The following MTA3 variants were observed in gnomAD, a reference collection of about 807,000 sequenced individuals.
MTA3 encodes metastasis associated 1 family member 3, also known as metastasis-associated protein MTA3.
Under a neutral mutation model 83.5 loss-of-function variants are expected in MTA3, and 34 were observed. That is an observed-to-expected ratio of 0.41 (90% CI 0.31 to 0.54). The LOEUF (loss-of-function observed/expected upper bound fraction) is 0.54. MTA3 is among the 20% of genes least tolerant of loss of function. The pLI is 0.33. For missense variants in MTA3, 761 were observed against 726.4 expected, an observed-to-expected ratio of 1.05 and a Z score of -0.55; for synonymous variants, 303 against 252.7, an observed-to-expected ratio of 1.20 and a Z score of -1.89.
At chr2:42,563,838 T>TCCTTCCTTCCTTCCTTCCTTCC (rs1572989478), upstream of MTA3, among the ~76,000 whole-genome samples, 1 of 150,506 alleles carries the variant, frequency 6.6e-6, no homozygotes, top group Non-Finnish European at 1.5e-5. Context: ...CTTCCTTTCT[T>TCCTTCCTTCCTTCCTTCCTTCC]TTTTGATGGA....
At chr2:42,519,409 C>T (rs1376277785) in intron 2 of MTA3, among the ~76,000 whole-genome samples, 2 of 152,032 alleles carry the variant, frequency 1.3e-5, no homozygotes, top group African/African-American at 2.4e-5. Flanking sequence ...AGTTCAAGAC[C>T]AGCCTGGCCA....
At chr2:42,574,149 T>C (rs1377643433) in intron 2 of MTA3, among the ~76,000 whole-genome samples, 2 of 143,424 alleles carry the variant, frequency 1.4e-5, no homozygotes, top group African/African-American at 2.6e-5. Context: ...TTTTTTTTTT[T>C]CTGAGGCGGA....
intron 2 of MTA3, among the ~76,000 whole-genome samples, chr2:42,522,486 C>A (rs554393279): frequency 6.6e-6 from 1 of 152,088 alleles, no homozygotes. Context: ...GGGGGACACA[C>A]GCTTCTGGCT....
intron 2 of MTA3, among the ~76,000 whole-genome samples, chr2:42,553,305 T>G (rs2103781193): frequency 6.6e-6 from 1 of 151,468 alleles, no homozygotes; most frequent in African/African-American, 2.4e-5. Context: ...GTGCCTGTAG[T>G]CCCAGCTACT....
At chr2:42,549,418 TATATA>T (rs1676980332) in intron 2 of MTA3, among the ~76,000 whole-genome samples, 1 of 113,738 alleles carries the variant, frequency 8.8e-6, no homozygotes, top group South Asian at 2.3e-4. Flanking sequence ...TAATATATAT[TATATA>T]ATATATAATA....
intron 14 of MTA3, among the ~76,000 whole-genome samples, chr2:42,714,413 G>A (rs186180430): frequency 5.9e-5 from 9 of 151,400 alleles, no homozygotes; most frequent in Non-Finnish European, 1.0e-4. Context: ...CATGAGTTTT[G>A]TGGCTTCTTT....
intron 2 of MTA3, among the ~76,000 whole-genome samples, chr2:42,553,591 C>T (rs1677228479): frequency 6.6e-6 from 1 of 150,480 alleles, no homozygotes; most frequent in Admixed American, 6.7e-5. Flanking sequence ...CAAAATTAAC[C>T]GAGTATGGTG....
intron 9 of MTA3, among the ~76,000 whole-genome samples, chr2:42,684,298 A>G (rs986605263): frequency 6.6e-6 from 1 of 152,250 alleles, no homozygotes; most frequent in Non-Finnish European, 1.5e-5. Context: ...ATGTGAGCCA[A>G]TAGCCTGCCT....
Position 42,754,904 on chromosome 2 carries a change from C to T in MTA3, c.*1505C>T. 1 of 985,612 alleles carries T rather than the reference C, an allele frequency of 1.0e-6. No individual in the cohort carries two copies. Among genetic ancestry groups the T allele is most frequent in the Non-Finnish European group, 1.2e-6 (1 of 830,108 alleles). 61.1% of individuals were successfully genotyped at this position (985,612 alleles called of 1,614,324 possible). On this transcript the variant is annotated 3_prime_UTR_variant, in exon 17 of 17. Transcript: ENST00000405094. ...GTGGAGGGCGGTTTTGCAGACATCTCAGCTTCTTTTCTGAGGAGGAGTTGG... is the reference window on the plus strand; with the variant it reads ...GTGGAGGGCGGTTTTGCAGACATCTTAGCTTCTTTTCTGAGGAGGAGTTGG...
intron 8 of MTA3, among the ~76,000 whole-genome samples, chr2:42,672,324 A>AG (rs1397668098): frequency 6.7e-6 from 1 of 150,208 alleles, no homozygotes; most frequent in East Asian, 2.0e-4. Context: ...GAGTCAACAT[A>AG]GTAAGTCCTC....
intron 2 of MTA3, among the ~76,000 whole-genome samples, chr2:42,533,790 C>A (rs1425160049): frequency 1.4e-5 from 2 of 146,258 alleles, no homozygotes; most frequent in Admixed American, 6.9e-5. Context: ...TGAGATCGTG[C>A]CACTGCACTC....
chr2:42,677,540 G>A (rs1359632220), intron 8 of MTA3, among the ~76,000 whole-genome samples: 2 of 151,742 alleles, frequency 1.3e-5, no homozygotes, highest in African/African-American at 2.4e-5. Flanking sequence ...ATGGGTTTTC[G>A]CCGTGTTGTC....
upstream of MTA3, among the ~76,000 whole-genome samples, chr2:42,567,413 C>A (rs1677963629): frequency 1.3e-5 from 2 of 152,184 alleles, no homozygotes; most frequent in South Asian, 4.2e-4. Flanking sequence ...CACCAAACCA[C>A]CAAAACACAA....
At position 42,625,228 on chromosome 2, in the gene MTA3, C is replaced by T. The variant is rs563217573; in HGVS notation, c.318-14945C>T. Among the ~76,000 whole-genome samples, 6 of 151,708 alleles carry T rather than the reference C, an allele frequency of 4.0e-5. No individual in the cohort carries two copies. In the South Asian group the frequency reaches 1.3e-3, roughly 32 times the overall value. On this transcript the variant is annotated intron_variant, in intron 4 of 16. Coordinates refer to ENST00000405094, the MANE Select transcript of MTA3 (RefSeq NM_001330442.2). The stretch of plus-strand genomic sequence containing the variant: ...TGTATTTTTAGTAGAGATGGGGTTT[C>T]ACCATGTTGGCCAGGCTGGTCTTGA...
chr2:42,688,306 A>G (rs932436300), intron 9 of MTA3, among the ~76,000 whole-genome samples: 1 of 151,816 alleles, frequency 6.6e-6, no homozygotes, highest in Non-Finnish European at 1.5e-5. Flanking sequence ...CTGGTCTCCA[A>G]CTCCTGGGCT....
intron 8 of MTA3, among the ~76,000 whole-genome samples, chr2:42,675,153 T>A (rs1365628677): frequency 2.0e-5 from 3 of 152,034 alleles, no homozygotes; most frequent in Non-Finnish European, 4.4e-5. Flanking sequence ...TTTCTTTTTT[T>A]TGAGACGAGG....
intron 2 of MTA3, among the ~76,000 whole-genome samples, chr2:42,543,891 A>C (rs1024739900): frequency 1.3e-5 from 2 of 151,956 alleles, no homozygotes; most frequent in Admixed American, 1.3e-4. Context: ...GGGTCTCACT[A>C]TATTGCCTAG....
At position 42,708,065 on chromosome 2, in the gene MTA3, C is replaced by G. The variant is rs1411717962; in HGVS notation, c.1302+11C>G. 6.3e-7 allele frequency: 1 copy of G among 1,591,784 alleles called. No homozygotes were observed. The highest frequency in any genetic ancestry group is 1.4e-5 in the African/African-American group (1 of 73,508). On this transcript the variant is annotated intron_variant, in intron 13 of 16. Transcript: ENST00000405094. ...AGCCCAACTACAGAGGTACAGTAGTCTTTTTAGTGTTGAAAAATGGCATGT... is the reference window on the plus strand; with the variant it reads ...AGCCCAACTACAGAGGTACAGTAGTGTTTTTAGTGTTGAAAAATGGCATGT...
chr2:42,734,181 T>A (rs1121780), intron 16 of MTA3, among the ~76,000 whole-genome samples: 1 of 151,400 alleles, frequency 6.6e-6, no homozygotes, highest in Admixed American at 6.6e-5. Flanking sequence ...GTAGTGCAAA[T>A]AATATTTGCT....
Sources: allele counts gnomAD v4.1 joint callset (sites outside exome capture counted in the v4.1 genomes callset), GRCh38; gene constraint gnomAD v4.1.1; transcripts MANE v1.5; gene names NCBI Gene and HGNC (gene_info 2026-07-23, HGNC 2026-07-21).